Variants in DENND1A observed in about 807,000 individuals in gnomAD.
DENND1A encodes the protein DENN domain-containing protein 1A.
A neutral mutation model predicts 113.7 loss-of-function variants in DENND1A; 51 were observed. The observed-to-expected ratio is 0.45, with a 90% CI of 0.36 to 0.57. The LOEUF is 0.57. Among genes scored for constraint, DENND1A ranks in the 20% least tolerant of loss-of-function variants. The pLI is 0.00. For synonymous variants in DENND1A, 565 were observed against 570.8 expected, an observed-to-expected ratio of 0.99 and a Z score of 0.14; for missense variants, 1,258 against 1,395.9, an observed-to-expected ratio of 0.90 and a Z score of 1.57.
chr9:123,665,541 C>T (rs1009935469), intron 8 of DENND1A, among the ~76,000 whole-genome samples: 4 of 152,172 alleles, frequency 2.6e-5, no homozygotes, highest in Non-Finnish European at 5.9e-5. Context: ...AATCACAATA[C>T]TACAGCCTAA....
intron 2 of DENND1A, among the ~76,000 whole-genome samples, chr9:123,793,641 C>T (rs2132074856): frequency 6.6e-6 from 1 of 152,232 alleles, no homozygotes; most frequent in African/African-American, 2.4e-5. Flanking sequence ...TACTAAAACA[C>T]TAATTTACAT....
intron 13 of DENND1A, among the ~76,000 whole-genome samples, chr9:123,528,270 C>A (rs1394138945): frequency 3.3e-5 from 5 of 152,196 alleles, no homozygotes; most frequent in Non-Finnish European, 7.3e-5. Flanking sequence ...ACTTTCCTAG[C>A]AAGCTACTGA....
At chr9:123,838,233 G>A (rs1315223437) in intron 2 of DENND1A, among the ~76,000 whole-genome samples, 7 of 152,100 alleles carry the variant, frequency 4.6e-5, no homozygotes, top group East Asian at 1.9e-4. Flanking sequence ...CTTTCTGTGC[G>A]TTGGTTTGTA....
intron 11 of DENND1A, among the ~76,000 whole-genome samples, chr9:123,597,566 G>A (rs2059752541): frequency 6.6e-6 from 1 of 152,054 alleles, no homozygotes; most frequent in South Asian, 2.1e-4. Context: ...TGAGAAGTGA[G>A]ACCTGTATAG....
At chr9:123,797,504 T>A (rs552501049) in intron 2 of DENND1A, among the ~76,000 whole-genome samples, 3 of 152,216 alleles carry the variant, frequency 2.0e-5, no homozygotes, top group South Asian at 4.1e-4. Context: ...AAGAAGAAAA[T>A]TTTTTTGTAT....
At chr9:123,601,228 T>A (rs2137387306) in intron 11 of DENND1A, among the ~76,000 whole-genome samples, 1 of 152,320 alleles carries the variant, frequency 6.6e-6, no homozygotes. Flanking sequence ...TCATGACTAG[T>A]TAGACTGAAA....
At chr9:123,723,291 T>C (rs1190651769) in intron 5 of DENND1A, among the ~76,000 whole-genome samples, 1 of 152,248 alleles carries the variant, frequency 6.6e-6, no homozygotes, top group Non-Finnish European at 1.5e-5. Context: ...TTGCTTTTGA[T>C]TTTACAGGTT....
intron 10 of DENND1A, among the ~76,000 whole-genome samples, chr9:123,620,993 C>T (rs1488970678): frequency 2.0e-5 from 3 of 152,182 alleles, no homozygotes; most frequent in African/African-American, 7.2e-5. Flanking sequence ...TTCATAAGCA[C>T]TTGCTGCAAA....
intron 5 of DENND1A, among the ~76,000 whole-genome samples, chr9:123,711,510 T>TATATAC (rs2066609539): frequency 2.5e-5 from 2 of 79,018 alleles, no homozygotes; most frequent in African/African-American, 1.7e-4. Flanking sequence ...TATATGTATA[T>TATATAC]ATGTATATAT....
intron 5 of DENND1A, among the ~76,000 whole-genome samples, chr9:123,716,194 T>C (rs2141035300): frequency 6.6e-6 from 1 of 152,342 alleles, no homozygotes; most frequent in South Asian, 2.1e-4. Context: ...AGGGAAATTA[T>C]TTTCCCTGCA....
chr9:123,482,142 G>C (rs1044494860), intron 13 of DENND1A, among the ~76,000 whole-genome samples: 3 of 152,174 alleles, frequency 2.0e-5, no homozygotes, highest in African/African-American at 7.2e-5. Flanking sequence ...CTGTTGCCCA[G>C]GCTGGAGCGC....
At chr9:123,426,360 G>A (rs12335741) in intron 19 of DENND1A, among the ~76,000 whole-genome samples, 14,344 of 152,240 alleles carry the variant, frequency 0.094, 712 homozygotes, top group Non-Finnish European at 0.098. Context: ...GGTACAGAGG[G>A]GCTGACACCT....
At chr9:123,420,664 G>C (rs1588443936) in intron 19 of DENND1A, among the ~76,000 whole-genome samples, 1 of 152,270 alleles carries the variant, frequency 6.6e-6, no homozygotes, top group East Asian at 1.9e-4. Flanking sequence ...GTTGACAGGA[G>C]TAGTATTTTG....
intron 3 of DENND1A, among the ~76,000 whole-genome samples, chr9:123,785,191 T>G (rs1201185569): frequency 6.6e-6 from 1 of 151,942 alleles, no homozygotes; most frequent in African/African-American, 2.4e-5. Context: ...AAGATTTTTT[T>G]TTTAAATTAG....
At chr9:123,637,959 A>G (rs1003451792) in intron 9 of DENND1A, among the ~76,000 whole-genome samples, 3 of 151,514 alleles carry the variant, frequency 2.0e-5, no homozygotes, top group Admixed American at 1.3e-4. Flanking sequence ...ACGCGCACAC[A>G]CACACACACA....
At chr9:123,588,941 T>A (rs1178896160) in intron 11 of DENND1A, among the ~76,000 whole-genome samples, 1 of 151,976 alleles carries the variant, frequency 6.6e-6, no homozygotes. Flanking sequence ...CTAATTTTTT[T>A]ATTTTTACTA....
chr9:123,650,771 G>T (rs1589515640), intron 9 of DENND1A, among the ~76,000 whole-genome samples: 1 of 152,062 alleles, frequency 6.6e-6, no homozygotes, highest in East Asian at 1.9e-4. Context: ...GCTGGGTGAG[G>T]TGGTATGTGC....
intron 13 of DENND1A, among the ~76,000 whole-genome samples, chr9:123,543,313 G>A (rs1462422033): frequency 1.3e-5 from 2 of 152,170 alleles, no homozygotes; most frequent in African/African-American, 2.4e-5. Context: ...GAAAAATGCT[G>A]GGTTAAACAA....
intron 13 of DENND1A, among the ~76,000 whole-genome samples, chr9:123,518,664 G>C (rs1056914375): frequency 3.3e-5 from 5 of 152,116 alleles, no homozygotes; most frequent in African/African-American, 1.2e-4. Flanking sequence ...AATGGAGCTA[G>C]CACAGTACCT....
Sources: gnomAD v4.1 joint callset for allele counts (sites outside exome capture counted in the v4.1 genomes callset) on GRCh38, gnomAD v4.1.1 for gene constraint, MANE v1.5 for transcripts, NCBI Gene and HGNC (gene_info 2026-07-23, HGNC 2026-07-21) for gene names.